TRDN: variants seen among roughly 807,000 people sequenced by gnomAD.
The protein encoded by TRDN is triadin.
TRDN carries 161 observed loss-of-function variants against 149.7 expected under a neutral mutation model. That is an observed-to-expected ratio of 1.08 (90% CI 0.95 to 1.23). The LOEUF is 1.23. Among genes scored for constraint, TRDN ranks in the 50% most tolerant of loss-of-function variants. TRDN has a pLI of 0.00. For missense variants in TRDN, 896 were observed against 823.5 expected (o/e 1.09, Z -1.08); for synonymous variants, 294 against 250.5 (o/e 1.17, Z -1.64).
chr6:123,345,900 C>T (rs1366672154), intron 21 of TRDN, among the ~76,000 whole-genome samples: 2 of 151,868 alleles, frequency 1.3e-5, no homozygotes, highest in African/African-American at 4.8e-5. Context: ...AACTTTGCGC[C>T]CTGAAACCTT....
intron 37 of TRDN, among the ~76,000 whole-genome samples, chr6:123,253,151 G>A (rs899101434): frequency 1.3e-5 from 2 of 151,784 alleles, no homozygotes; most frequent in Non-Finnish European, 2.9e-5. Context: ...ATTCTAATGA[G>A]AGGTTATTAT....
At chr6:123,243,166 G>A (rs1562226609) in intron 38 of TRDN, among the ~76,000 whole-genome samples, 4 of 152,084 alleles carry the variant, frequency 2.6e-5, no homozygotes, top group Admixed American at 2.6e-4. Flanking sequence ...ACTCTATTGA[G>A]AGTGGTCCCA....
At chr6:123,582,233 G>C (rs866192762) in intron 1 of TRDN, among the ~76,000 whole-genome samples, 1 of 152,096 alleles carries the variant, frequency 6.6e-6, no homozygotes, top group Non-Finnish European at 1.5e-5. Flanking sequence ...AAGATTTTCT[G>C]ATTGACGGCT....
At chr6:123,483,469 A>C (rs1777853777) in intron 9 of TRDN, among the ~76,000 whole-genome samples, 1 of 152,112 alleles carries the variant, frequency 6.6e-6, no homozygotes, top group Non-Finnish European at 1.5e-5. Context: ...GGGATGAAAA[A>C]AATGGCCAAA....
chr6:123,564,720 C>T (rs1162141112), intron 2 of TRDN, among the ~76,000 whole-genome samples: 1 of 152,176 alleles, frequency 6.6e-6, no homozygotes, highest in Non-Finnish European at 1.5e-5. Context: ...ATCTTACTTC[C>T]TGGTAATAAG....
intron 19 of TRDN, among the ~76,000 whole-genome samples, chr6:123,374,708 G>T (rs963819): frequency 6.6e-6 from 1 of 151,838 alleles, no homozygotes; most frequent in African/African-American, 2.4e-5. Context: ...CCCAGGAGGC[G>T]GAGGTGCAGT....
chr6:123,629,907 C>T (rs1167340341), intron 1 of TRDN, among the ~76,000 whole-genome samples: 1 of 152,012 alleles, frequency 6.6e-6, no homozygotes, highest in Non-Finnish European at 1.5e-5. Flanking sequence ...TCTGTTTGGA[C>T]CAGGAAGTTC....
intron 12 of TRDN, among the ~76,000 whole-genome samples, chr6:123,413,330 A>G (rs1773519759): frequency 6.6e-6 from 1 of 152,176 alleles, no homozygotes; most frequent in South Asian, 2.1e-4. Flanking sequence ...AAACACTTCA[A>G]TTTCAGAGAC....
chr6:123,526,892 G>A (rs1779977752), intron 5 of TRDN, among the ~76,000 whole-genome samples: 1 of 151,948 alleles, frequency 6.6e-6, no homozygotes, highest in Non-Finnish European at 1.5e-5. Context: ...CCAGTTAGAG[G>A]TGGTTAAGAT....
chr6:123,499,147 A>C (rs1470637557), intron 8 of TRDN, among the ~76,000 whole-genome samples: 1 of 152,176 alleles, frequency 6.6e-6, no homozygotes, highest in African/African-American at 2.4e-5. Flanking sequence ...CATGACAGCA[A>C]ATAAGAGTGT....
intron 23 of TRDN, among the ~76,000 whole-genome samples, chr6:123,330,887 T>G (rs1182212332): frequency 6.6e-6 from 1 of 152,026 alleles, no homozygotes; most frequent in East Asian, 1.9e-4. Context: ...CCCCAATCCA[T>G]GCTTATGTAA....
chr6:123,538,305 A>G (rs1189425256), intron 4 of TRDN, among the ~76,000 whole-genome samples: 1 of 152,176 alleles, frequency 6.6e-6, no homozygotes, highest in Non-Finnish European at 1.5e-5. Context: ...AGCACAACAG[A>G]TTAATTGTAA....
At chr6:123,363,243 A>G (rs906170050) in intron 20 of TRDN, among the ~76,000 whole-genome samples, 2 of 152,210 alleles carry the variant, frequency 1.3e-5, no homozygotes, top group African/African-American at 4.8e-5. Flanking sequence ...GAGGTGGACC[A>G]GTTGTAAAGT....
intron 12 of TRDN, among the ~76,000 whole-genome samples, chr6:123,415,417 T>A (rs548489129): frequency 6.6e-6 from 1 of 152,230 alleles, no homozygotes; most frequent in Non-Finnish European, 1.5e-5. Context: ...ACCATTAGAG[T>A]CTTTCCAGAG....
intron 1 of TRDN, among the ~76,000 whole-genome samples, chr6:123,606,555 G>A (rs996806242): frequency 1.3e-5 from 2 of 151,908 alleles, no homozygotes; most frequent in East Asian, 3.9e-4. Context: ...CACTTTTATT[G>A]TTTTATTTTT....
At chr6:123,374,853 T>C (rs759202708) in intron 19 of TRDN, among the ~76,000 whole-genome samples, 6 of 152,070 alleles carry the variant, frequency 3.9e-5, no homozygotes, top group Non-Finnish European at 7.4e-5. Flanking sequence ...TATGTATTAG[T>C]AGCATCACCA....
At chr6:123,433,080 T>C (rs1212860473) in intron 12 of TRDN, among the ~76,000 whole-genome samples, 2 of 146,474 alleles carry the variant, frequency 1.4e-5, no homozygotes, top group African/African-American at 4.9e-5. Flanking sequence ...CAAACACCTA[T>C]ACATGTTCCT....
chr6:123,263,615 T>A (rs1281344167), intron 33 of TRDN, among the ~76,000 whole-genome samples: 1 of 151,862 alleles, frequency 6.6e-6, no homozygotes, highest in Admixed American at 6.6e-5. Flanking sequence ...GGTGACAGAG[T>A]GAGACCCTGT....
At chr6:123,370,111 A>G (rs990562830) in intron 19 of TRDN, among the ~76,000 whole-genome samples, 1 of 152,180 alleles carries the variant, frequency 6.6e-6, no homozygotes. Flanking sequence ...ATAGCAATAA[A>G]GAATGTTCAC....
Sources: gnomAD v4.1 joint callset for allele counts (sites outside exome capture counted in the v4.1 genomes callset) on GRCh38, gnomAD v4.1.1 for gene constraint, MANE v1.5 for transcripts, NCBI Gene and HGNC (gene_info 2026-07-23, HGNC 2026-07-21) for gene names.